Variants in ZFP91 observed in about 807,000 individuals in gnomAD.
ZFP91 encodes ZFP91 zinc finger protein, atypical E3 ubiquitin ligase.
A neutral mutation model predicts 63.5 loss-of-function variants in ZFP91; 7 were observed. The observed-to-expected ratio is 0.11, with a 90% CI of 0.06 to 0.21. The LOEUF is 0.21. Among genes scored for constraint, ZFP91 ranks in the 10% least tolerant of loss-of-function variants. ZFP91 has a pLI of 1.00. For missense variants in ZFP91, 628 were observed against 736.6 expected, an observed-to-expected ratio of 0.85 and a Z score of 1.71; for synonymous variants, 330 against 272.1, an observed-to-expected ratio of 1.21 and a Z score of -2.10.
Position 58,579,538 on chromosome 11 carries a change from C to A in ZFP91, c.257C>A (p.Ala86Asp). The change falls in exon 1 of 11, where the codon GCC becomes GAC. Residue 86 changes from alanine (A) to aspartate (D), a missense_variant. Physicochemically the swap from Ala to Asp is moderately radical, Grantham distance 126. This residue lies in a region of ZFP91 where 437 missense variants were observed against 380.3 expected (regional missense o/e 1.15). Transcript: ENST00000316059. Reference sequence around the variant, plus strand: ...CGCCGGCGGAGGAGCAGCCCCAGCGCCAGGCCTCCCGACGTCCCCGGGCAG... The same window carrying A: ...CGCCGGCGGAGGAGCAGCCCCAGCGACAGGCCTCCCGACGTCCCCGGGCAG... ...YPRRRRSSPS[A>D]RPPDVPGQQP... is the part of the protein sequence containing the mutation. The A allele has an allele frequency of 6.3e-7, 1 of 1,580,034 alleles. No individual in the cohort carries two copies. Among genetic ancestry groups the A allele is most frequent in the Non-Finnish European group, 8.6e-7 (1 of 1,167,350 alleles).
intron 8 of ZFP91, 89 bp downstream of exon 8, chr11:58,612,929 G>C: frequency 8.6e-7 from 1 of 1,160,886 alleles, no homozygotes; most frequent in Non-Finnish European, 1.2e-6. Flanking sequence ...GGCTTGTGTA[G>C]GCTTTATCAT....
chr11:58,586,191 A>G (rs981076671), intron 2 of ZFP91, among the ~76,000 whole-genome samples: 12 of 152,322 alleles, frequency 7.9e-5, no homozygotes, highest in Admixed American at 7.8e-4. Flanking sequence ...CATTCTGATT[A>G]AAACAAAAAG....
chr11:58,614,098 T>C (rs954103095), intron 8 of ZFP91, 131 bp from the exon 9 acceptor site: 2 of 512,376 alleles, frequency 3.9e-6, no homozygotes, highest in Non-Finnish European at 6.9e-6. Flanking sequence ...CACTTTATTA[T>C]ACTCCCTCAC....
intron 2 of ZFP91, among the ~76,000 whole-genome samples, chr11:58,587,283 G>A (rs558920201): frequency 1.3e-5 from 2 of 152,280 alleles, no homozygotes; most frequent in Admixed American, 6.5e-5. Context: ...CATCCACTAT[G>A]TGTCTGGCGC....
Position 58,611,715 on chromosome 11 carries a change from A to G in ZFP91, c.834A>G (p.Arg278=). The change falls in exon 6 of 11, where the codon AGA becomes AGG. Residue 278 remains arginine, a synonymous_variant. Coordinates refer to ENST00000316059, the MANE Select transcript of ZFP91 (RefSeq NM_053023.5). ...TGAAAGAAGAGGAGAATGAAATTAG[A>G]GAGGATGAGGAACCTCCAAGGAAGT... ...VEVKEEENEI[R]EDEEPPRKRG... 1 of 1,611,870 alleles carries G rather than the reference A, an allele frequency of 6.2e-7. No individual in the cohort carries two copies. The highest frequency in any genetic ancestry group is 8.5e-7 in the Non-Finnish European group (1 of 1,178,892).
chr11:58,589,513 TTTAA>T (rs1420204694), intron 2 of ZFP91, among the ~76,000 whole-genome samples: 1 of 152,236 alleles, frequency 6.6e-6, no homozygotes, highest in African/African-American at 2.4e-5. Context: ...CAAAGCAAAC[TTTAA>T]TTATTTATGG....
intron 4 of ZFP91, among the ~76,000 whole-genome samples, chr11:58,610,545 A>G (rs966507079): frequency 6.6e-6 from 1 of 152,184 alleles, no homozygotes. Context: ...TGTCTTGAGT[A>G]TCTTCTGTGT....
rs1408225682 is a variant in ZFP91, at chr11:58,579,254, C to G, written c.-28C>G. Reference sequence around the variant, plus strand: ...CCGCCTCCGCCTCCGCCGCCTAGGACTAGGGGGTGGGGGACGGACAAGCCC... The same window carrying G: ...CCGCCTCCGCCTCCGCCGCCTAGGAGTAGGGGGTGGGGGACGGACAAGCCC... On this transcript the variant is annotated 5_prime_UTR_variant, in exon 1 of 11. Coordinates refer to ENST00000316059, the MANE Select transcript of ZFP91 (RefSeq NM_053023.5). 852 of 1,390,680 alleles carry G rather than the reference C, an allele frequency of 6.1e-4. No homozygotes were observed. The highest frequency in any genetic ancestry group is 7.3e-4 in the Non-Finnish European group (796 of 1,084,226). 86.1% of individuals were successfully genotyped at this position (1,390,680 alleles called of 1,614,324 possible).
chr11:58,596,466 C>G (rs140778499), intron 2 of ZFP91, among the ~76,000 whole-genome samples: 9 of 152,322 alleles, frequency 5.9e-5, no homozygotes, highest in African/African-American at 1.9e-4. Flanking sequence ...AAAAGGAAGT[C>G]AAAAGCAGTC....
chr11:58,619,450 A>C lies in ZFP91; in HGVS notation c.*1744A>C, dbSNP rs577860184. On this transcript the variant is annotated 3_prime_UTR_variant, in exon 11 of 11. Coordinates refer to ENST00000316059, the MANE Select transcript of ZFP91 (RefSeq NM_053023.5). ...ATTCATTGTTTATTGTCAGAAATGC[A>C]TGATGGCTCTTGGAAAGAATGACGT... The C allele has an allele frequency of 2.0e-5, 3 of 152,394 alleles. No homozygotes were observed. Among genetic ancestry groups the C allele is most frequent in the Non-Finnish European group, 4.4e-5 (3 of 68,028 alleles). 9.4% of individuals were successfully genotyped at this position (152,394 alleles called of 1,614,324 possible). A position where few individuals can be genotyped will look rare whatever the true frequency, so the allele number is the denominator to read the frequency against.
At chr11:58,611,893 C>A in intron 6 of ZFP91, 155 bp downstream of exon 6, 1 of 765,988 alleles carries the variant, frequency 1.3e-6, no homozygotes, top group Non-Finnish European at 2.0e-6. Flanking sequence ...CTGACAATTT[C>A]ACTGGAGAGA....
intron 5 of ZFP91, chr11:58,611,326 T>C (rs1855658585): frequency 2.0e-6 from 1 of 488,014 alleles, no homozygotes; most frequent in Non-Finnish European, 3.5e-6. Context: ...CCTGAATACT[T>C]AGAATTTTTT....
At chr11:58,583,482 G>A (rs1855152674) in intron 1 of ZFP91, among the ~76,000 whole-genome samples, 1 of 151,984 alleles carries the variant, frequency 6.6e-6, no homozygotes. Context: ...GGATAGTGAG[G>A]ATGAAGAGGT....
intron 2 of ZFP91, among the ~76,000 whole-genome samples, chr11:58,603,278 AG>A (rs1427993652): frequency 6.6e-6 from 1 of 152,224 alleles, no homozygotes; most frequent in African/African-American, 2.4e-5. Flanking sequence ...ATATAAATTG[AG>A]GAATGAATTG....
At chr11:58,583,402 T>A (rs1157335785) in intron 1 of ZFP91, among the ~76,000 whole-genome samples, 1 of 152,116 alleles carries the variant, frequency 6.6e-6, no homozygotes, top group Non-Finnish European at 1.5e-5. Context: ...TTGGTATATT[T>A]TCTTGCTAAA....
chr11:58,617,658 T>A lies in ZFP91; in HGVS notation c.1665T>A (p.Gly555=). Residue 555 remains glycine (G), a synonymous_variant, in exon 11 of 11, where the codon GGT becomes GGA. Transcript: ENST00000316059. This position sits in a 1 kb window ranked among gnomAD's most constrained non-coding sequence, Gnocchi z 4.2. The stretch of plus-strand genomic sequence containing the variant: ...TGGTTATGAACTCAGATATACTCGG[T>A]GCTACCACAGAGGTTCTGATTGAAG... ...EGLVMNSDIL[G]ATTEVLIEDS... 1 of 1,544,184 alleles carries A rather than the reference T, an allele frequency of 6.5e-7. No homozygotes were observed. Among genetic ancestry groups the A allele is most frequent in the Middle Eastern group, 1.8e-4 (1 of 5,672 alleles).
At chr11:58,594,618 T>C (rs2134400264) in intron 2 of ZFP91, among the ~76,000 whole-genome samples, 1 of 152,348 alleles carries the variant, frequency 6.6e-6, no homozygotes, top group Non-Finnish European at 1.5e-5. Flanking sequence ...TTTTTTATCC[T>C]TTCTGTCAGT....
rs745592604 is a variant in ZFP91, at chr11:58,617,701, C to A, written c.1708C>A (p.Pro570Thr). 1 of 1,499,004 alleles carries A rather than the reference C, an allele frequency of 6.7e-7. No homozygotes were observed. The highest frequency in any genetic ancestry group is 2.4e-5 in the Admixed American group (1 of 42,310). The allele number at this position is 1,499,004 out of a possible 1,614,324, so 92.9% of individuals were successfully genotyped here. ...GATTGAAGATTCAGACTCTGCCGGA[C>A]CTTAGTGGACAGGAAGACTTGGGGC... The part of the protein sequence containing the change: ...VLIEDSDSAG[P>T] The change falls in exon 11 of 11, where the codon CCT (proline) becomes ACT (threonine). Residue 570 changes from proline to threonine, a missense_variant. Transcript: ENST00000316059. The surrounding 1 kb of genome is among the most constrained non-coding windows in gnomAD (Gnocchi z 4.2).
chr11:58,610,911 T>C (rs757892072), intron 4 of ZFP91, 39 bp from the exon 5 acceptor site: 17 of 1,589,100 alleles, frequency 1.1e-5, no homozygotes, highest in Admixed American at 1.7e-5. Context: ...ACATGTTCGC[T>C]ACAACCAGAA....
Sources: allele counts gnomAD v4.1 joint callset (sites outside exome capture counted in the v4.1 genomes callset), GRCh38; gene constraint gnomAD v4.1.1; regional missense constraint gnomAD v4.1.1; non-coding constraint Gnocchi (gnomAD v3.1); transcripts MANE v1.5; gene names NCBI Gene and HGNC (gene_info 2026-07-23, HGNC 2026-07-21).